The following DLG1 variants were observed in gnomAD, a reference collection of about 807,000 sequenced individuals.
The protein encoded by DLG1 is discs large MAGUK scaffold protein 1.
A neutral mutation model predicts 123.4 loss-of-function variants in DLG1; 42 were observed. The observed-to-expected ratio is 0.34, with a 90% CI of 0.27 to 0.44. The LOEUF (loss-of-function observed/expected upper bound fraction) is 0.44, where lower values mean the gene tolerates loss of function less well. Among genes scored for constraint, DLG1 ranks in the 20% least tolerant of loss-of-function variants. DLG1 has a pLI of 1.00. For missense variants in DLG1, 942 were observed against 1,082.6 expected (o/e 0.87, Z 1.82); for synonymous variants, 317 against 356.2 (o/e 0.89, Z 1.24).
intron 4 of DLG1, among the ~76,000 whole-genome samples, chr3:197,262,262 G>C (rs1759750734): frequency 1.3e-5 from 2 of 152,124 alleles, no homozygotes; most frequent in African/African-American, 4.8e-5. Context: ...TTGGGGGCTG[G>C]AGATCAAGCT....
At chr3:197,284,293 G>GCA (rs1488897176) in intron 3 of DLG1, among the ~76,000 whole-genome samples, 1 of 151,828 alleles carries the variant, frequency 6.6e-6, no homozygotes, top group South Asian at 2.1e-4. Flanking sequence ...ACACACATAC[G>GCA]CACACACACA....
At chr3:197,221,598 T>G (rs778582623) in intron 4 of DLG1, among the ~76,000 whole-genome samples, 1 of 152,116 alleles carries the variant, frequency 6.6e-6, no homozygotes, top group East Asian at 1.9e-4. Context: ...TCAACCTTTA[T>G]GTAGACATTT....
At chr3:197,197,187 C>T (rs1446420024) in intron 4 of DLG1, among the ~76,000 whole-genome samples, 1 of 152,112 alleles carries the variant, frequency 6.6e-6, no homozygotes, top group Non-Finnish European at 1.5e-5. Flanking sequence ...CTTTTGCTTC[C>T]GTATTTCCTG....
intron 4 of DLG1, among the ~76,000 whole-genome samples, chr3:197,274,502 C>T (rs546331788): frequency 4.5e-4 from 68 of 150,754 alleles, no homozygotes; most frequent in African/African-American, 1.5e-3. Flanking sequence ...CAATACGACA[C>T]GACACGACAC....
intron 4 of DLG1, among the ~76,000 whole-genome samples, chr3:197,271,076 G>C (rs1763743540): frequency 6.6e-6 from 1 of 152,088 alleles, no homozygotes; most frequent in Admixed American, 6.6e-5. Flanking sequence ...ACCAGATTTG[G>C]TATGTGTATT....
chr3:197,116,540 A>C (rs1773401355), intron 12 of DLG1, among the ~76,000 whole-genome samples: 1 of 152,208 alleles, frequency 6.6e-6, no homozygotes, highest in Non-Finnish European at 1.5e-5. Context: ...AAGTTATTGC[A>C]ATCCCATGCC....
At chr3:197,202,928 T>G (rs9839886) in intron 4 of DLG1, among the ~76,000 whole-genome samples, 88,268 of 151,980 alleles carry the variant, frequency 0.58, 25,960 homozygotes, top group East Asian at 0.79. Context: ...TAGATTTGTC[T>G]TAACAGTGAC....
At chr3:197,298,679 C>A, upstream of DLG1, 3 of 156,802 alleles carry the variant, frequency 1.9e-5, no homozygotes, top group Non-Finnish European at 4.0e-5. Context: ...GCGGGGAGGG[C>A]GGGGCCTGGG....
At chr3:197,200,275 G>T (rs1005098791) in intron 4 of DLG1, among the ~76,000 whole-genome samples, 1 of 152,112 alleles carries the variant, frequency 6.6e-6, no homozygotes, top group African/African-American at 2.4e-5. Context: ...AATATTATTA[G>T]TGTGCAAATA....
chr3:197,280,515 G>A (rs1206902383), intron 4 of DLG1, among the ~76,000 whole-genome samples: 1 of 152,062 alleles, frequency 6.6e-6, no homozygotes, highest in East Asian at 1.9e-4. Flanking sequence ...CCCACTAATG[G>A]GATTGCTGGT....
chr3:197,213,371 G>T (rs916863396), intron 4 of DLG1, among the ~76,000 whole-genome samples: 1 of 152,036 alleles, frequency 6.6e-6, no homozygotes, highest in Admixed American at 6.5e-5. Flanking sequence ...ATAATTTATC[G>T]TGAGAAAGGC....
intron 5 of DLG1, chr3:197,161,513 T>C: frequency 1.9e-6 from 1 of 529,946 alleles, no homozygotes. Context: ...TCCCTAAAAC[T>C]ACTAACTGAA....
chr3:197,193,821 GCT>G (rs1273521089), intron 5 of DLG1, among the ~76,000 whole-genome samples: 2 of 151,552 alleles, frequency 1.3e-5, no homozygotes, highest in Non-Finnish European at 2.9e-5. Context: ...TGATGTTAAT[GCT>G]CTTTTTTTTT....
Position 197,042,817 on chromosome 3 carries a change from A to C in DLG1, c.*1806T>G, listed in dbSNP as rs758821402. 2 of 152,258 alleles carry C rather than the reference A, an allele frequency of 1.3e-5. No homozygotes were observed. Among genetic ancestry groups the C allele is most frequent in the African/African-American group, 4.8e-5 (2 of 41,472 alleles). The allele number at this position is 152,258 out of a possible 1,614,324, so 9.4% of individuals were successfully genotyped here. On this transcript the variant is annotated 3_prime_UTR_variant, in exon 25 of 25. Coordinates refer to ENST00000667157, the MANE Select transcript of DLG1 (RefSeq NM_001366207.1). ...AATGTGGTAACACACTCTGCTGCCT[A>C]ACGGCTCTTGGATTCGGTTATAAGT...
At chr3:197,127,856 G>A (rs997658245) in intron 11 of DLG1, among the ~76,000 whole-genome samples, 1 of 151,932 alleles carries the variant, frequency 6.6e-6, no homozygotes, top group African/African-American at 2.4e-5. Context: ...ATTAAGTAAG[G>A]AATAGCATTA....
intron 6 of DLG1, among the ~76,000 whole-genome samples, chr3:197,148,500 C>T (rs555611566): frequency 6.8e-6 from 1 of 146,218 alleles, no homozygotes; most frequent in South Asian, 2.2e-4. Flanking sequence ...AACTAAAGAA[C>T]ATTATTGAAA....
chr3:197,195,205 CAT>C (rs1721821758), intron 4 of DLG1, among the ~76,000 whole-genome samples: 1 of 150,922 alleles, frequency 6.6e-6, no homozygotes, highest in Non-Finnish European at 1.5e-5. Flanking sequence ...TAAACCTACT[CAT>C]AAAGAAAAGA....
intron 12 of DLG1, among the ~76,000 whole-genome samples, chr3:197,116,548 G>GC (rs1773409505): frequency 6.6e-6 from 1 of 152,120 alleles, no homozygotes; most frequent in African/African-American, 2.4e-5. Context: ...GCAATCCCAT[G>GC]CCCCTTTGCT....
chr3:197,290,133 T>C (rs1433720710), intron 3 of DLG1, among the ~76,000 whole-genome samples: 1 of 151,910 alleles, frequency 6.6e-6, no homozygotes, highest in Admixed American at 6.6e-5. Context: ...ACAAATGTCA[T>C]TAAGGATGGT....
Sources: gnomAD v4.1 joint callset for allele counts (sites outside exome capture counted in the v4.1 genomes callset) on GRCh38, gnomAD v4.1.1 for gene constraint, MANE v1.5 for transcripts, NCBI Gene and HGNC (gene_info 2026-07-23, HGNC 2026-07-21) for gene names.